Variants in GLIS3 observed in about 807,000 individuals in gnomAD.
The protein encoded by GLIS3 is GLIS family zinc finger 3.
A neutral mutation model predicts 78.6 loss-of-function variants in GLIS3; 53 were observed. The ratio of observed to expected loss-of-function variants is 0.67; its 90% CI spans 0.54 to 0.85. The LOEUF (loss-of-function observed/expected upper bound fraction) is 0.85. Among genes scored for constraint, GLIS3 ranks in the 40% least tolerant of loss-of-function variants. The pLI, the probability that GLIS3 is intolerant of heterozygous loss-of-function variation, is 0.00. For missense variants in GLIS3, 1,703 were observed against 1,231.1 expected, an observed-to-expected ratio of 1.38 and a Z score of -5.74; for synonymous variants, 684 against 509.9, an observed-to-expected ratio of 1.34 and a Z score of -4.60.
At chr9:4,257,460 G>A (rs1234761065) in intron 2 of GLIS3, among the ~76,000 whole-genome samples, 1 of 152,042 alleles carries the variant, frequency 6.6e-6, no homozygotes, top group African/African-American at 2.4e-5. Context: ...TTTGGCAAGG[G>A]AATAGATTTT....
chr9:4,214,311 A>G (rs13292114), intron 2 of GLIS3, among the ~76,000 whole-genome samples: 13,939 of 152,280 alleles, frequency 0.092, 647 homozygotes, highest in Non-Finnish European at 0.1. Flanking sequence ...AATGTGTCAA[A>G]CGGTTGGCCC....
chr9:4,327,184 G>T, intron 2 of GLIS3, among the ~76,000 whole-genome samples: 1 of 152,240 alleles, frequency 6.6e-6, no homozygotes, highest in East Asian at 1.9e-4. Flanking sequence ...AGTGTCCAGT[G>T]TCCCAGGCAG....
At position 4,167,834 on chromosome 9, in the gene GLIS3, G is replaced by A. The variant is rs769726369; in HGVS notation, c.389-41893C>T. Among the ~76,000 whole-genome samples, 4 of 152,080 alleles carry A rather than the reference G, an allele frequency of 2.6e-5. No individual in the cohort carries two copies. The East Asian group carries it at 5.8e-4, about 22-fold the overall frequency. ...GGTTTACACGGCACCTATGGCTTCCGGGTCCTCTTTGTGAGTGTTTCCTAT... is the reference window on the plus strand; with the variant it reads ...GGTTTACACGGCACCTATGGCTTCCAGGTCCTCTTTGTGAGTGTTTCCTAT... On this transcript the variant is annotated intron_variant, in intron 2 of 10. Transcript: ENST00000381971.
chr9:3,930,179 C>T (rs1825524222), intron 6 of GLIS3, among the ~76,000 whole-genome samples: 2 of 152,126 alleles, frequency 1.3e-5, no homozygotes, highest in Admixed American at 6.6e-5. Context: ...AAAAGGCAGG[C>T]TAAAATCGGA....
At chr9:4,008,995 G>C (rs1310176600) in intron 4 of GLIS3, among the ~76,000 whole-genome samples, 1 of 152,140 alleles carries the variant, frequency 6.6e-6, no homozygotes, top group Non-Finnish European at 1.5e-5. Flanking sequence ...CAGTGCATGA[G>C]AGAGATGCAT....
At position 4,286,153 on chromosome 9, in the gene GLIS3, G is replaced by T. The variant is rs753240320; in HGVS notation, c.273C>A (p.Leu91=). 1 of 1,614,034 alleles carries T rather than the reference G, an allele frequency of 6.2e-7. No individual in the cohort carries two copies. Among genetic ancestry groups the T allele is most frequent in the Non-Finnish European group, 8.5e-7 (1 of 1,179,992 alleles). ...CCTGGAATCGCGGCTTCCCATTGGT[G>T]AGCATTTGTCTCCTGGGGCTTAAGG... ...LPALSPRRQM[L]TNGKPRFQVT... is the part of the protein sequence containing the mutation. Residue 91 remains leucine (L), a synonymous_variant, in exon 2 of 11, where the codon CTC becomes CTA. Transcript: ENST00000381971.
At chr9:4,202,080 G>A (rs560815669) in intron 2 of GLIS3, among the ~76,000 whole-genome samples, 122 of 152,104 alleles carry the variant, frequency 8.0e-4, no homozygotes, top group African/African-American at 2.1e-3. Flanking sequence ...GGAGGTTGCA[G>A]TGAGCCAAGG....
the GLIS3 span, among the ~76,000 whole-genome samples, chr9:4,393,705 C>T: frequency 6.6e-6 from 1 of 152,180 alleles, no homozygotes; most frequent in Non-Finnish European, 1.5e-5. Flanking sequence ...TCAGGTTATG[C>T]ATTTTTGGCA....
At chr9:3,831,487 T>C (rs934732865) in intron 9 of GLIS3, among the ~76,000 whole-genome samples, 2 of 152,228 alleles carry the variant, frequency 1.3e-5, no homozygotes, top group Non-Finnish European at 2.9e-5. Flanking sequence ...GAAGTGTGAA[T>C]GAAGAAGGCA....
chr9:4,288,359 A>G (rs1019493947), intron 1 of GLIS3, among the ~76,000 whole-genome samples: 1 of 152,216 alleles, frequency 6.6e-6, no homozygotes, highest in Non-Finnish European at 1.5e-5. Context: ...AATATGTCAC[A>G]TTGGCAACTT....
intron 4 of GLIS3, among the ~76,000 whole-genome samples, chr9:4,051,551 G>C (rs1418974698): frequency 6.6e-6 from 1 of 152,134 alleles, no homozygotes; most frequent in African/African-American, 2.4e-5. Flanking sequence ...AAAGCCCAAA[G>C]AGGCCTAACT....
At chr9:4,160,370 G>A (rs867638344) in intron 2 of GLIS3, among the ~76,000 whole-genome samples, 2 of 152,210 alleles carry the variant, frequency 1.3e-5, no homozygotes, top group African/African-American at 4.8e-5. Context: ...ATAGGAACTC[G>A]CCGGGTTTAT....
intron 2 of GLIS3, among the ~76,000 whole-genome samples, chr9:4,179,378 G>A (rs1817094330): frequency 2.0e-5 from 3 of 152,230 alleles, no homozygotes; most frequent in South Asian, 2.1e-4. Flanking sequence ...AAACATGTGC[G>A]AGTAATCCCC....
chr9:4,140,740 G>A (rs948997975), intron 2 of GLIS3, among the ~76,000 whole-genome samples: 1 of 151,644 alleles, frequency 6.6e-6, no homozygotes, highest in Admixed American at 6.6e-5. Context: ...TGTATTTTGT[G>A]CTCCTTCGTC....
intron 8 of GLIS3, among the ~76,000 whole-genome samples, chr9:3,857,148 A>C (rs1819849304): frequency 6.6e-6 from 1 of 152,244 alleles, no homozygotes. Flanking sequence ...AGAAAGGAGC[A>C]GGAAGTCTGT....
rs1434696033 is a variant in GLIS3 at position 3,827,274 on chromosome 9, G to A, written c.*998C>T. 6.6e-6 allele frequency: 1 copy of A among 152,230 alleles called. No homozygotes were observed. The highest frequency in any genetic ancestry group is 1.5e-5 in the Non-Finnish European group (1 of 68,060). The allele number at this position is 152,230 out of a possible 1,614,324, so 9.4% of individuals were successfully genotyped here. ...TATCACTAGGTTTGGTTTTCCAAGG[G>A]AAGCTGGCACATGACTCAGTCTGTC... is the stretch of plus-strand genomic sequence containing the variant. On this transcript the variant is annotated 3_prime_UTR_variant, in exon 11 of 11. Coordinates refer to ENST00000381971, the MANE Select transcript of GLIS3 (RefSeq NM_001042413.2).
At chr9:3,929,506 A>G (rs1235775493) in intron 6 of GLIS3, among the ~76,000 whole-genome samples, 1 of 152,118 alleles carries the variant, frequency 6.6e-6, no homozygotes, top group African/African-American at 2.4e-5. Flanking sequence ...GAATTTATCT[A>G]TGGCTATGGG....
At chr9:4,047,629 G>A (rs1825361249) in intron 4 of GLIS3, among the ~76,000 whole-genome samples, 3 of 152,086 alleles carry the variant, frequency 2.0e-5, no homozygotes, top group African/African-American at 7.2e-5. Flanking sequence ...CTTACACATG[G>A]TTCCTGACCT....
intron 6 of GLIS3, among the ~76,000 whole-genome samples, chr9:3,920,246 A>G (rs755185352): frequency 4.6e-5 from 7 of 151,750 alleles, no homozygotes; most frequent in South Asian, 2.1e-4. Context: ...CTCGTGATCC[A>G]CCCGCCTCGG....
Sources: allele counts gnomAD v4.1 joint callset (sites outside exome capture counted in the v4.1 genomes callset), GRCh38; gene constraint gnomAD v4.1.1; transcripts MANE v1.5; gene names NCBI Gene and HGNC (gene_info 2026-07-23, HGNC 2026-07-21).